Variants in ZCCHC14 observed in about 807,000 individuals in gnomAD.
ZCCHC14 encodes zinc finger CCHC domain-containing protein 14.
In ZCCHC14, 16 loss-of-function variants were observed where a neutral mutation model predicts 85.0. That is an observed-to-expected ratio of 0.19 (90% CI 0.13 to 0.29). The LOEUF (loss-of-function observed/expected upper bound fraction) is 0.29. Ranked by LOEUF, ZCCHC14 falls within the 10% of genes least tolerant of loss-of-function variation. The probability of loss-of-function intolerance (pLI) is 1.00; values close to 1 mark genes in which losing one functional copy is unlikely to be tolerated. For synonymous variants in ZCCHC14, 775 were observed against 630.7 expected (o/e 1.23, Z -3.43); for missense variants, 1,303 against 1,443.5 (o/e 0.90, Z 1.58).
At chr16:87,429,713 T>C (rs1435261620) in intron 3 of ZCCHC14, among the ~76,000 whole-genome samples, 1 of 151,090 alleles carries the variant, frequency 6.6e-6, no homozygotes, top group Non-Finnish European at 1.5e-5. Flanking sequence ...TTCAAGCAAT[T>C]CTCCTGCCTC....
At chr16:87,449,341 G>C (rs190882222) in intron 2 of ZCCHC14, among the ~76,000 whole-genome samples, 1 of 152,274 alleles carries the variant, frequency 6.6e-6, no homozygotes, top group African/African-American at 2.4e-5. Flanking sequence ...CTGAAGAGAA[G>C]TAGAAAGGGA....
chr16:87,479,620 A>G (rs1415542395), intron 1 of ZCCHC14, among the ~76,000 whole-genome samples: 1 of 152,236 alleles, frequency 6.6e-6, no homozygotes, highest in Non-Finnish European at 1.5e-5. Flanking sequence ...ATTTATTGAC[A>G]TTATGTAGCA....
At chr16:87,463,698 C>T (rs953988440) in intron 1 of ZCCHC14, among the ~76,000 whole-genome samples, 7 of 152,172 alleles carry the variant, frequency 4.6e-5, no homozygotes, top group Non-Finnish European at 7.4e-5. Context: ...TGGCGGGCAC[C>T]TGTAATCCCA....
intron 1 of ZCCHC14, among the ~76,000 whole-genome samples, chr16:87,462,497 T>C (rs548706162): frequency 3.9e-5 from 6 of 152,142 alleles, no homozygotes; most frequent in Non-Finnish European, 7.4e-5. Context: ...TCCCAGCACT[T>C]TGGGAGGCCG....
chr16:87,478,303 C>G (rs1912114259), intron 1 of ZCCHC14, among the ~76,000 whole-genome samples: 1 of 152,166 alleles, frequency 6.6e-6, no homozygotes, highest in Admixed American at 6.5e-5. Context: ...AGATAATAAG[C>G]CAGCAAGAAT....
At chr16:87,424,613 G>A (rs1323275448) in intron 3 of ZCCHC14, among the ~76,000 whole-genome samples, 4 of 152,170 alleles carry the variant, frequency 2.6e-5, no homozygotes, top group African/African-American at 9.7e-5. Context: ...AAGGGGCGGT[G>A]TCTTTTTGCT....
chr16:87,443,826 C>A lies in ZCCHC14; in HGVS notation c.695-10625G>T, dbSNP rs1028647413. 3.3e-5 allele frequency among the ~76,000 whole-genome samples: 5 copies of A among 152,044 alleles called. 1 individual carries two copies. Among genetic ancestry groups the A allele is most frequent in the African/African-American group, 1.2e-4 (5 of 41,414 alleles). On this transcript the variant is annotated intron_variant, in intron 2 of 12. Transcript: ENST00000671377. The stretch of plus-strand genomic sequence containing the variant: ...CTGAGGCAGGCAGATCACTTGAGAC[C>A]AGGAGTTCAAGACCAGCCTGGCCAA...
At chr16:87,485,728 T>TC (rs1912487747) in intron 1 of ZCCHC14, among the ~76,000 whole-genome samples, 1 of 152,118 alleles carries the variant, frequency 6.6e-6, no homozygotes, top group African/African-American at 2.4e-5. Context: ...CAAACAAAGA[T>TC]GCCCCAGCGC....
At chr16:87,480,819 C>G (rs578115793) in intron 1 of ZCCHC14, among the ~76,000 whole-genome samples, 6 of 152,280 alleles carry the variant, frequency 3.9e-5, no homozygotes, top group African/African-American at 1.4e-4. Flanking sequence ...ATCTATGAAC[C>G]AATAATGCGT....
Position 87,433,155 on chromosome 16 carries a change from A to G in ZCCHC14, c.741T>C (p.Asn247=), listed in dbSNP as rs758577844. 5 of 1,614,240 alleles carry G rather than the reference A, an allele frequency of 3.1e-6. No individual in the cohort carries two copies. In the South Asian group the frequency reaches 5.5e-5, roughly 18 times the overall value. ...IDLKGLSHTK[N]DRNVECSFEV... ...CAAAGGAACATTCAACATTTCTGTC[A>G]TTTTTTGTGTGTGATAATCCCTTCA... Residue 247 remains asparagine, a synonymous_variant, in exon 3 of 13, where the codon AAT becomes AAC. Transcript: ENST00000671377.
At chr16:87,414,233 G>A (rs987434570) in intron 10 of ZCCHC14, among the ~76,000 whole-genome samples, 181 bp downstream of exon 10, 8 of 151,522 alleles carry the variant, frequency 5.3e-5, no homozygotes, top group African/African-American at 1.5e-4. Flanking sequence ...CCACCTGCCC[G>A]GCACACCGGC....
intron 1 of ZCCHC14, among the ~76,000 whole-genome samples, chr16:87,490,866 G>T (rs1466905355): frequency 6.6e-6 from 1 of 152,202 alleles, no homozygotes; most frequent in South Asian, 2.1e-4. Flanking sequence ...CAGCATGCAC[G>T]TGTCCATAAA....
intron 1 of ZCCHC14, among the ~76,000 whole-genome samples, chr16:87,482,164 G>A (rs1597454668): frequency 6.6e-6 from 1 of 152,334 alleles, no homozygotes; most frequent in East Asian, 1.9e-4. Context: ...ACCATGGCAG[G>A]TTGGAAGACA....
Position 87,412,980 on chromosome 16 carries a change from G to C in ZCCHC14, c.1745-4C>G, listed in dbSNP as rs536323675. ...CTCTCCAAGTGAATCTCCACACCTA[G>C]AGAGGGAAACAAGAGTGGTCAGTGC... is the stretch of plus-strand genomic sequence containing the variant. On this transcript the variant is annotated splice_region_variant and splice_polypyrimidine_tract_variant and intron_variant, in intron 11 of 12. Coordinates refer to ENST00000671377, the MANE Select transcript of ZCCHC14 (RefSeq NM_015144.3). The C allele has an allele frequency of 3.1e-6, 5 of 1,613,116 alleles. No homozygotes were observed. The South Asian group carries it at 5.5e-5, about 18-fold the overall frequency.
intron 1 of ZCCHC14, among the ~76,000 whole-genome samples, chr16:87,481,891 C>T (rs1912296395): frequency 6.6e-6 from 1 of 152,112 alleles, no homozygotes; most frequent in South Asian, 2.1e-4. Context: ...GCTGCAAAGT[C>T]CAACAGCAAC....
intron 2 of ZCCHC14, among the ~76,000 whole-genome samples, chr16:87,436,577 A>C (rs888171837): frequency 6.6e-6 from 1 of 152,230 alleles, no homozygotes; most frequent in African/African-American, 2.4e-5. Context: ...CCACAACAAG[A>C]AAAAAGGCTG....
intron 2 of ZCCHC14, among the ~76,000 whole-genome samples, chr16:87,459,407 C>T (rs573436659): frequency 6.9e-4 from 105 of 151,762 alleles, no homozygotes; most frequent in Admixed American, 2.8e-3. Context: ...GGCAGTGGCA[C>T]GATCTCGGCT....
At chr16:87,488,236 C>G (rs912410618) in intron 1 of ZCCHC14, among the ~76,000 whole-genome samples, 8 of 152,156 alleles carry the variant, frequency 5.3e-5, no homozygotes, top group African/African-American at 1.4e-4. Context: ...TTTATTTTAA[C>G]TATTTCCAAA....
rs544149540 is a variant in ZCCHC14, at chr16:87,417,710, G to A, written c.1133C>T (p.Ser378Leu). The A allele has an allele frequency of 1.5e-4, 239 of 1,604,860 alleles. No individual in the cohort carries two copies. The highest frequency in any genetic ancestry group is 6.2e-4 in the Middle Eastern group (3 of 4,840). Residue 378 changes from serine (S) to leucine (L), a missense_variant, in exon 8 of 13, where the codon TCG (serine) becomes TTG (leucine). Physicochemically the swap from Ser to Leu is moderately radical, Grantham distance 145. Transcript: ENST00000671377. ...PVCGVAGIPS[S>L]QSGAQHHGQH... Reference sequence around the variant, plus strand: ...CCCGTGGTGCTGGGCTCCGCTCTGCGAGGACGGGATACCAGCCACTCCACA... The same window carrying A: ...CCCGTGGTGCTGGGCTCCGCTCTGCAAGGACGGGATACCAGCCACTCCACA...
Sources: gnomAD v4.1 joint callset for allele counts (sites outside exome capture counted in the v4.1 genomes callset) on GRCh38, gnomAD v4.1.1 for gene constraint, MANE v1.5 for transcripts, NCBI Gene and HGNC (gene_info 2026-07-23, HGNC 2026-07-21) for gene names.